The following CAMTA1 variants were observed in gnomAD, a reference collection of about 807,000 sequenced individuals.
CAMTA1 encodes calmodulin binding transcription activator 1.
A neutral mutation model predicts 170.9 loss-of-function variants in CAMTA1; 27 were observed. That is an observed-to-expected ratio of 0.16 (90% confidence interval 0.12 to 0.22). CAMTA1 has a LOEUF of 0.22. Among genes scored for constraint, CAMTA1 ranks in the 10% least tolerant of loss-of-function variants. CAMTA1 has a pLI of 1.00. For synonymous variants in CAMTA1, 833 were observed against 891.5 expected, an observed-to-expected ratio of 0.93 and a Z score of 1.17; for missense variants, 1,619 against 2,217.2, an observed-to-expected ratio of 0.73 and a Z score of 5.42.
At chr1:7,117,684 C>A (rs9434469) in intron 4 of CAMTA1, among the ~76,000 whole-genome samples, 1 of 151,964 alleles carries the variant, frequency 6.6e-6, no homozygotes, top group East Asian at 1.9e-4. Flanking sequence ...CGGCCTCTGG[C>A]GCTGGCTTAT....
chr1:6,785,900 C>A (rs965197612), intron 1 of CAMTA1, among the ~76,000 whole-genome samples: 1 of 148,750 alleles, frequency 6.7e-6, no homozygotes. Context: ...GCGCCTCCCC[C>A]ACCCGGACCG....
intron 1 of CAMTA1, among the ~76,000 whole-genome samples, chr1:6,799,037 CTATT>C (rs1643281836): frequency 2.6e-5 from 4 of 152,060 alleles, no homozygotes; most frequent in Admixed American, 6.5e-5. Context: ...TTCCTTTTTA[CTATT>C]TATTTATTAT....
In CAMTA1 at chr1:6,786,086, C is replaced by T. The variant is rs1411539485; in HGVS notation, c.45+511C>T. On this transcript the variant is annotated intron_variant, in intron 1 of 22. Transcript: ENST00000303635. Reference sequence around the variant, plus strand: ...CGGCCGGCGCTCAGCCCTCGCCGGCCCCCTGCTCTCCGGCGGGCAGGGCCA... The same window carrying T: ...CGGCCGGCGCTCAGCCCTCGCCGGCTCCCTGCTCTCCGGCGGGCAGGGCCA... 5.3e-5 allele frequency among the ~76,000 whole-genome samples: 8 copies of T among 151,960 alleles called. No homozygotes were observed. In the East Asian group the frequency reaches 1.6e-3, roughly 30 times the overall value.
chr1:7,647,652 A>C (rs992906651), intron 7 of CAMTA1, among the ~76,000 whole-genome samples: 2 of 152,070 alleles, frequency 1.3e-5, no homozygotes, highest in Admixed American at 6.5e-5. Flanking sequence ...GCCTGTGCCC[A>C]CCTTTTTTCC....
chr1:7,335,507 C>T (rs1057332693), intron 5 of CAMTA1, among the ~76,000 whole-genome samples: 1 of 152,162 alleles, frequency 6.6e-6, no homozygotes, highest in Non-Finnish European at 1.5e-5. Context: ...CCGCCTGATG[C>T]CCTGGAGCTG....
chr1:6,850,657 G>A (rs1043571803), intron 3 of CAMTA1, among the ~76,000 whole-genome samples: 4 of 152,330 alleles, frequency 2.6e-5, no homozygotes, highest in African/African-American at 7.2e-5. Flanking sequence ...GAGGTGGGGC[G>A]TGGTGATGAG....
At chr1:7,043,868 C>T (rs1202090287) in intron 3 of CAMTA1, among the ~76,000 whole-genome samples, 1 of 152,172 alleles carries the variant, frequency 6.6e-6, no homozygotes, top group Non-Finnish European at 1.5e-5. Context: ...AGCTCTAAAT[C>T]CCCGAGTTGC....
chr1:7,006,288 T>A (rs1698998072), intron 3 of CAMTA1, among the ~76,000 whole-genome samples: 1 of 152,216 alleles, frequency 6.6e-6, no homozygotes, highest in Non-Finnish European at 1.5e-5. Context: ...TAGAGTTTAC[T>A]TTTCCCCATT....
intron 19 of CAMTA1, among the ~76,000 whole-genome samples, chr1:7,749,956 G>A (rs141973323): frequency 1.1e-4 from 17 of 152,276 alleles, no homozygotes; most frequent in Admixed American, 1.0e-3. Context: ...TGGGGACCAC[G>A]TGGTTATTCA....
intron 4 of CAMTA1, among the ~76,000 whole-genome samples, chr1:7,161,918 G>A (rs1647276180): frequency 6.6e-6 from 1 of 152,112 alleles, no homozygotes. Flanking sequence ...AGAAAACAGG[G>A]CAAGGTGTGC....
intron 3 of CAMTA1, among the ~76,000 whole-genome samples, chr1:6,854,539 G>A (rs1320482651): frequency 1.3e-5 from 2 of 152,124 alleles, no homozygotes; most frequent in Non-Finnish European, 2.9e-5. Context: ...AATGAAATAT[G>A]GAATATAATG....
rs1644194075 is a variant in CAMTA1 at position 7,113,654 on chromosome 1, A to G, written c.302+22283A>G. On this transcript the variant is annotated intron_variant, in intron 4 of 22. Coordinates refer to ENST00000303635, the MANE Select transcript of CAMTA1 (RefSeq NM_015215.4). This position sits in a 1 kb window ranked among gnomAD's most constrained non-coding sequence, Gnocchi z 4.5. ...TTTATATTCTAACATGGTAATGAGG[A>G]AGCGGCTTTTGTCCAAGAGGTGAGA... Among the ~76,000 whole-genome samples the G allele has an allele frequency of 1.3e-5, 2 of 152,380 alleles. No individual in the cohort carries two copies. The highest frequency in any genetic ancestry group is 4.1e-4 in the South Asian group (2 of 4,828).
At chr1:6,900,096 A>T (rs1676601564) in intron 3 of CAMTA1, among the ~76,000 whole-genome samples, 1 of 152,242 alleles carries the variant, frequency 6.6e-6, no homozygotes. Flanking sequence ...TACCAGGCTG[A>T]AAGAGATCAC....
At chr1:6,921,940 C>T (rs1235392679) in intron 3 of CAMTA1, among the ~76,000 whole-genome samples, 1 of 152,196 alleles carries the variant, frequency 6.6e-6, no homozygotes, top group African/African-American at 2.4e-5. Context: ...TGGGGCTGAC[C>T]CAGGATGGCC....
chr1:7,711,422 G>A lies in CAMTA1; in HGVS notation c.2915-21026G>A, dbSNP rs558756740. Among the ~76,000 whole-genome samples, 13 of 152,236 alleles carry A rather than the reference G, an allele frequency of 8.5e-5. No homozygotes were observed. In the South Asian group the frequency reaches 1.7e-3, roughly 19 times the overall value. ...CCTGATCAGGGATGAAGGAAGGGAC[G>A]CTAGGGGGGCCAACTGTGAAGGAAC... is the stretch of plus-strand genomic sequence containing the variant. On this transcript the variant is annotated intron_variant, in intron 11 of 22. Transcript: ENST00000303635.
At position 7,162,180 on chromosome 1, in the gene CAMTA1, T is replaced by C. The variant is rs1346369340; in HGVS notation, c.302+70809T>C. On this transcript the variant is annotated intron_variant, in intron 4 of 22. Coordinates refer to ENST00000303635, the MANE Select transcript of CAMTA1 (RefSeq NM_015215.4). ...CAGGAGAAAGCAGGGAGCTGTCAGG[T>C]CCCAACAGTTGGCTGGGGCAAGACC... is the stretch of plus-strand genomic sequence containing the variant. Among the ~76,000 whole-genome samples the C allele has an allele frequency of 2.0e-5, 3 of 152,086 alleles. No individual in the cohort carries two copies. In the East Asian group the frequency reaches 5.8e-4, roughly 29 times the overall value.
intron 4 of CAMTA1, among the ~76,000 whole-genome samples, chr1:7,209,685 G>A (rs915479056): frequency 6.6e-6 from 1 of 152,196 alleles, no homozygotes; most frequent in Admixed American, 6.5e-5. Flanking sequence ...TACCTTGAAT[G>A]TTGACACTCC....
intron 6 of CAMTA1, among the ~76,000 whole-genome samples, chr1:7,506,331 G>A (rs1357626062): frequency 6.6e-6 from 1 of 152,166 alleles, no homozygotes; most frequent in African/African-American, 2.4e-5. Context: ...CCCTGCCCTG[G>A]AGCCCCGGCC....
intron 5 of CAMTA1, among the ~76,000 whole-genome samples, chr1:7,429,324 T>C (rs929554687): frequency 6.6e-6 from 1 of 152,230 alleles, no homozygotes; most frequent in Admixed American, 6.5e-5. Context: ...ACATGGAAAC[T>C]ATTCGCATGG....
Sources: allele counts gnomAD v4.1 joint callset (sites outside exome capture counted in the v4.1 genomes callset), GRCh38; gene constraint gnomAD v4.1.1; non-coding constraint Gnocchi (gnomAD v3.1); transcripts MANE v1.5; gene names NCBI Gene and HGNC (gene_info 2026-07-23, HGNC 2026-07-21).